Variants in ALDH8A1 observed in about 807,000 individuals in gnomAD.
ALDH8A1 encodes aldehyde dehydrogenase 8 family member A1, also known as 2-aminomuconic semialdehyde dehydrogenase.
In ALDH8A1, 39 loss-of-function variants were observed where a neutral mutation model predicts 43.3. That is an observed-to-expected ratio of 0.90 (90% confidence interval 0.70 to 1.18). The LOEUF (loss-of-function observed/expected upper bound fraction) is 1.18, where lower values mean the gene tolerates loss of function less well. Ranked by LOEUF, ALDH8A1 falls within the 50% of genes most tolerant of loss-of-function variation. ALDH8A1 has a pLI of 0.00. For missense variants in ALDH8A1, 605 were observed against 622.6 expected (o/e 0.97, Z 0.30); for synonymous variants, 233 against 243.5 (o/e 0.96, Z 0.40).
At position 134,943,944 on chromosome 6, in the gene ALDH8A1, G is replaced by A; in HGVS notation, c.161C>T (p.Ala54Val). 1 of 1,614,148 alleles carries A rather than the reference G, an allele frequency of 6.2e-7. No individual in the cohort carries two copies. Among genetic ancestry groups the A allele is most frequent in the South Asian group, 1.1e-5 (1 of 91,072 alleles). Residue 54 changes from alanine to valine, a missense_variant, in exon 2 of 7, where the codon GCC (alanine) becomes GTC (valine). By Grantham distance (64) the Ala-to-Val change is moderately conservative. Coordinates refer to ENST00000265605, the MANE Select transcript of ALDH8A1 (RefSeq NM_022568.4). ...TGACCAGCTGGGAAAGGCTTCTCTG[G>A]CGGCCTTGACCGCGGCTTCGATCTT... Reference protein sequence around the residue: ...KDEIEAAVKAAREAFPSWSSR... With the variant: ...KDEIEAAVKAVREAFPSWSSR...
At position 134,942,679 on chromosome 6, in the gene ALDH8A1, C is replaced by G. The variant is rs1210571916; in HGVS notation, c.287-115G>C. On this transcript the variant is annotated intron_variant, in intron 2 of 6. Transcript: ENST00000265605. Reference sequence around the variant, plus strand: ...GAAACAGCCTGGATTCCTTCTAGCCCGGGGCAGGCATTCCTTGACCTCACA... The same window carrying G: ...GAAACAGCCTGGATTCCTTCTAGCCGGGGGCAGGCATTCCTTGACCTCACA... 3 of 1,045,040 alleles carry G rather than the reference C, an allele frequency of 2.9e-6. No homozygotes were observed. In the African/African-American group the frequency reaches 4.8e-5, roughly 17 times the overall value. The allele number at this position is 1,045,040 out of a possible 1,614,324, so 64.7% of individuals were successfully genotyped here.
chr6:134,942,895 C>T (rs1428098495), intron 2 of ALDH8A1, among the ~76,000 whole-genome samples: 1 of 152,226 alleles, frequency 6.6e-6, no homozygotes, highest in Non-Finnish European at 1.5e-5. Flanking sequence ...GGCTTTGTAC[C>T]TGCGACAAAG....
chr6:134,918,584 T>G lies in ALDH8A1; in HGVS notation c.1295A>C (p.His432Pro). Residue 432 changes from histidine (H) to proline (P), a missense_variant, in exon 7 of 7, where the codon CAC becomes CCC. Transcript: ENST00000265605. ...AGACTGCAGCTTCTTAGCCACCCGG[T>G]GGACGCGCCCCACATTGCTGGACCA... ...TVWSSNVGRV[H>P]RVAKKLQSGL... 6.2e-7 allele frequency: 1 copy of G among 1,614,190 alleles called. No individual in the cohort carries two copies. The highest frequency in any genetic ancestry group is 2.2e-5 in the East Asian group (1 of 44,878).
chr6:134,943,426 A>G lies in ALDH8A1; in HGVS notation c.286+393T>C, dbSNP rs140675989. 5.3e-5 allele frequency among the ~76,000 whole-genome samples: 8 copies of G among 152,350 alleles called. No homozygotes were observed. The East Asian group carries it at 1.5e-3, about 29-fold the overall frequency. On this transcript the variant is annotated intron_variant, in intron 2 of 6. Coordinates refer to ENST00000265605, the MANE Select transcript of ALDH8A1 (RefSeq NM_022568.4). Reference sequence around the variant, plus strand: ...AAAACATCCTAAATAATCTGACTGCATAACTGCTTTTCAAATTATCTTTGC... The same window carrying G: ...AAAACATCCTAAATAATCTGACTGCGTAACTGCTTTTCAAATTATCTTTGC...
Position 134,918,161 on chromosome 6 carries a change from C to A in ALDH8A1, c.*254G>T. 2.0e-6 allele frequency: 1 copy of A among 491,902 alleles called. No individual in the cohort carries two copies. The highest frequency in any genetic ancestry group is 3.4e-5 in the South Asian group (1 of 29,588). The allele number at this position is 491,902 out of a possible 1,614,324, so 30.5% of individuals were successfully genotyped here. ...GAAAGAAACACTATGAAAACATAACCTGGGAGGAGCCTGACAACTGGCATC... is the reference window on the plus strand; with the variant it reads ...GAAAGAAACACTATGAAAACATAACATGGGAGGAGCCTGACAACTGGCATC... On this transcript the variant is annotated 3_prime_UTR_variant, in exon 7 of 7. Coordinates refer to ENST00000265605, the MANE Select transcript of ALDH8A1 (RefSeq NM_022568.4).
At position 134,929,173 on chromosome 6, in the gene ALDH8A1, T is replaced by C. The variant is rs1776936288; in HGVS notation, c.892A>G (p.Ser298Gly). The C allele has an allele frequency of 6.2e-7, 1 of 1,614,030 alleles. No individual in the cohort carries two copies. The highest frequency in any genetic ancestry group is 1.7e-5 in the Admixed American group (1 of 60,014). ...CTCTTTAAAAATTCACTATAGATGC[T>C]CTTCTGGACAAAGATCCTGCTGGTA... Reference protein sequence around the residue: ...LCTSRIFVQKSIYSEFLKRFV... With the variant: ...LCTSRIFVQKGIYSEFLKRFV... Residue 298 changes from serine to glycine, a missense_variant, in exon 6 of 7, where the codon AGC becomes GGC. Physicochemically the swap from Ser to Gly is moderately conservative, Grantham distance 56. Coordinates refer to ENST00000265605, the MANE Select transcript of ALDH8A1 (RefSeq NM_022568.4).
intron 5 of ALDH8A1, among the ~76,000 whole-genome samples, chr6:134,930,770 C>T (rs755421697): frequency 5.3e-5 from 8 of 152,308 alleles, no homozygotes; most frequent in Non-Finnish European, 7.3e-5. Flanking sequence ...CCCTGTTGCT[C>T]TGTGCCTAGA....
At chr6:134,931,760 C>T (rs1464199720) in intron 5 of ALDH8A1, among the ~76,000 whole-genome samples, 1 of 152,146 alleles carries the variant, frequency 6.6e-6, no homozygotes, top group Admixed American at 6.5e-5. Context: ...TATTTCTAGC[C>T]ACTTCAAGAG....
chr6:134,934,371 C>T (rs1407291260), intron 4 of ALDH8A1, among the ~76,000 whole-genome samples: 1 of 152,186 alleles, frequency 6.6e-6, no homozygotes, highest in Non-Finnish European at 1.5e-5. Context: ...TCCTTTATCG[C>T]CTTTAGCTAA....
chr6:134,920,134 A>C (rs895473670), intron 6 of ALDH8A1, among the ~76,000 whole-genome samples: 25 of 152,182 alleles, frequency 1.6e-4, no homozygotes, highest in African/African-American at 5.6e-4. Context: ...GCTGGTCTTC[A>C]ACTCCTGGTC....
chr6:134,948,629 T>G (rs1190201226), intron 1 of ALDH8A1, among the ~76,000 whole-genome samples: 6 of 152,204 alleles, frequency 3.9e-5, no homozygotes, highest in Non-Finnish European at 8.8e-5. Context: ...GAGTGATGTT[T>G]TGGAAATTGG....
At chr6:134,927,331 G>C (rs1776901977) in intron 6 of ALDH8A1, among the ~76,000 whole-genome samples, 1 of 151,694 alleles carries the variant, frequency 6.6e-6, no homozygotes, top group African/African-American at 2.4e-5. Flanking sequence ...AGAAGAAGAA[G>C]CCTCCTGTGG....
At chr6:134,938,618 TTTATTTTATTA>T (rs988303606) in intron 4 of ALDH8A1, among the ~76,000 whole-genome samples, 7 of 40,432 alleles carry the variant, frequency 1.7e-4, no homozygotes, top group African/African-American at 3.3e-4. Context: ...GATTCAAGAT[TTTATTTTATTA>T]TTATTATTAT....
intron 5 of ALDH8A1, among the ~76,000 whole-genome samples, chr6:134,931,036 C>T (rs1583027305): frequency 6.6e-6 from 1 of 152,136 alleles, no homozygotes; most frequent in African/African-American, 2.4e-5. Flanking sequence ...GAAATATGCA[C>T]GACACGGAAT....
chr6:134,929,213 A>T lies in ALDH8A1; in HGVS notation c.852T>A (p.Gly284=), dbSNP rs747887113. ...TCCTGCTGGTACAGAGACAGATTTC[A>T]CCCTGCCAAGAATGAGAACAGGGAT... is the stretch of plus-strand genomic sequence containing the variant. The part of the protein sequence containing the change: ...ATVRSSFANQ[G]EICLCTSRIF... The change falls in exon 6 of 7, where the codon GGT becomes GGA. Residue 284 remains glycine, a splice_region_variant and synonymous_variant. Coordinates refer to ENST00000265605, the MANE Select transcript of ALDH8A1 (RefSeq NM_022568.4). 3.7e-6 allele frequency: 6 copies of T among 1,613,718 alleles called. No homozygotes were observed. The highest frequency in any genetic ancestry group is 1.7e-5 in the Admixed American group (1 of 59,996).
At chr6:134,949,556 T>C (rs1774007937) in intron 1 of ALDH8A1, among the ~76,000 whole-genome samples, 2 of 152,110 alleles carry the variant, frequency 1.3e-5, no homozygotes, top group Admixed American at 1.3e-4. Context: ...GATATAGTGG[T>C]AAATTTAAGC....
chr6:134,941,290 T>G (rs1773848183), intron 3 of ALDH8A1: 2 of 152,238 alleles, frequency 1.3e-5, no homozygotes, highest in Admixed American at 1.3e-4. Flanking sequence ...CACTGCAACC[T>G]CCGACTCCCA....
chr6:134,936,899 C>T lies in ALDH8A1; in HGVS notation c.592+2367G>A, dbSNP rs1773752084. On this transcript the variant is annotated intron_variant, in intron 4 of 6. Coordinates refer to ENST00000265605, the MANE Select transcript of ALDH8A1 (RefSeq NM_022568.4). The stretch of plus-strand genomic sequence containing the variant: ...ACTGACAAATAGCAATTTAGCAAAA[C>T]TCAGGGGAGGTGGCTAACAGACAAG... Among the ~76,000 whole-genome samples, 3 of 152,110 alleles carry T rather than the reference C, an allele frequency of 2.0e-5. No homozygotes were observed. The South Asian group carries it at 6.2e-4, about 32-fold the overall frequency.
chr6:134,929,491 T>C (rs1360662876), intron 5 of ALDH8A1, among the ~76,000 whole-genome samples: 1 of 152,114 alleles, frequency 6.6e-6, no homozygotes, highest in Non-Finnish European at 1.5e-5. Context: ...ACTGATTGCA[T>C]GGGGAGGGGA....
Sources: gnomAD v4.1 joint callset for allele counts (sites outside exome capture counted in the v4.1 genomes callset) on GRCh38, gnomAD v4.1.1 for gene constraint, MANE v1.5 for transcripts, NCBI Gene and HGNC (gene_info 2026-07-23, HGNC 2026-07-21) for gene names.